The following KMT5A variants were observed in gnomAD, a reference collection of about 807,000 sequenced individuals.
KMT5A encodes N-lysine methyltransferase KMT5A.
Under a neutral mutation model 40.6 loss-of-function variants are expected in KMT5A, and 6 were observed. The ratio of observed to expected loss-of-function variants is 0.15; its 90% CI spans 0.08 to 0.29. KMT5A has a LOEUF of 0.29. KMT5A is among the 10% of genes least tolerant of loss of function. The pLI, the probability that KMT5A is intolerant of heterozygous loss-of-function variation, is 1.00. For synonymous variants in KMT5A, 153 were observed against 178.8 expected (o/e 0.86, Z 1.15); for missense variants, 308 against 459.1 (o/e 0.67, Z 3.01).
In KMT5A at chr12:123,389,530, C is replaced by T; in HGVS notation, c.108C>T (p.Gly36=). The part of the protein sequence containing the change: ...APGPEMVERR[G]PGRPRTDGEN... ...GCCCGGAGATGGTGGAGCGGAGGGG[C>T]CCGGGGAGGCCCCGCACCGACGGGG... The change falls in exon 2 of 8, where the codon GGC becomes GGT. Residue 36 remains glycine (G), a synonymous_variant. Coordinates refer to ENST00000402868, the MANE Select transcript of KMT5A (RefSeq NM_020382.7). 9.0e-7 allele frequency: 1 copy of T among 1,108,936 alleles called. No homozygotes were observed. Among genetic ancestry groups the T allele is most frequent in the Non-Finnish European group, 1.1e-6 (1 of 913,132 alleles). 68.7% of individuals were successfully genotyped at this position (1,108,936 alleles called of 1,614,324 possible).
Position 123,384,152 on chromosome 12 carries a change from G to T in KMT5A, c.-47G>T. ...TGGCTGAGTTGTTGCAACTTTTTTC[G>T]AAAGCTGGGTTTCCCGGGAGATCCC... is the stretch of plus-strand genomic sequence containing the variant. On this transcript the variant is annotated 5_prime_UTR_variant, in exon 1 of 8. Transcript: ENST00000402868. This position sits in a 1 kb window ranked among gnomAD's most constrained non-coding sequence, Gnocchi z 5.7. 2 of 1,611,978 alleles carry T rather than the reference G, an allele frequency of 1.2e-6. No homozygotes were observed. Among genetic ancestry groups the T allele is most frequent in the Non-Finnish European group, 8.5e-7 (1 of 1,178,998 alleles).
At chr12:123,401,569 G>A (rs1217568844) in intron 5 of KMT5A, among the ~76,000 whole-genome samples, 2 of 150,486 alleles carry the variant, frequency 1.3e-5, no homozygotes, top group Non-Finnish European at 3.0e-5. Context: ...AAGTTTATGG[G>A]AAGGTTTTTT....
Position 123,384,663 on chromosome 12 carries a change from G to A in KMT5A, c.10+455G>A, listed in dbSNP as rs569111047. On this transcript the variant is annotated intron_variant, in intron 1 of 7. Coordinates refer to ENST00000402868, the MANE Select transcript of KMT5A (RefSeq NM_020382.7). The surrounding 1 kb of genome is among the most constrained non-coding windows in gnomAD (Gnocchi z 5.7). ...CGATAACCTGCATATTGGGGTGCGC[G>A]TCAGGGTGGACACCGCAGCAGGCGC... Among the ~76,000 whole-genome samples, 2 of 152,374 alleles carry A rather than the reference G, an allele frequency of 1.3e-5. No homozygotes were observed. Among genetic ancestry groups the A allele is most frequent in the African/African-American group, 4.8e-5 (2 of 41,594 alleles).
intron 7 of KMT5A, among the ~76,000 whole-genome samples, chr12:123,405,819 C>T (rs1262173404): frequency 2.0e-5 from 3 of 150,572 alleles, no homozygotes; most frequent in African/African-American, 7.3e-5. Flanking sequence ...GCCCCAGCTT[C>T]CCTTTTTTTT....
chr12:123,401,496 G>A (rs1028100314), intron 5 of KMT5A, among the ~76,000 whole-genome samples: 1 of 151,480 alleles, frequency 6.6e-6, no homozygotes, highest in Non-Finnish European at 1.5e-5. Flanking sequence ...GAACATTTTA[G>A]TCCATTTATG....
chr12:123,398,725 C>T (rs900133104), intron 5 of KMT5A, among the ~76,000 whole-genome samples: 1 of 152,164 alleles, frequency 6.6e-6, no homozygotes, highest in Non-Finnish European at 1.5e-5. Context: ...GTGGCTAGAG[C>T]TGGTCAGGGT....
At position 123,384,304 on chromosome 12, in the gene KMT5A, C is replaced by A; in HGVS notation, c.10+96C>A. ...GGCAGCGGCTGCGGGGAGGCGTCCT[C>A]CTCGGGTGGCTCGGGGCAAGCTTGG... On this transcript the variant is annotated intron_variant, in intron 1 of 7. Coordinates refer to ENST00000402868, the MANE Select transcript of KMT5A (RefSeq NM_020382.7). The surrounding 1 kb of genome is among the most constrained non-coding windows in gnomAD (Gnocchi z 5.7). 2 of 1,535,716 alleles carry A rather than the reference C, an allele frequency of 1.3e-6. No individual in the cohort carries two copies. The highest frequency in any genetic ancestry group is 1.9e-5 in the Admixed American group (1 of 53,886).
At position 123,386,052 on chromosome 12, in the gene KMT5A, GATA is replaced by G. The variant is rs1876855192; in HGVS notation, c.10+1847_10+1849del. Reference sequence around the variant, plus strand: ...ACCTCCCTTACTTACCCAAAGCGAAGATAATGTTTGTCAGCTCCTCCCATGGCA... The same window carrying G: ...ACCTCCCTTACTTACCCAAAGCGAAGATGTTTGTCAGCTCCTCCCATGGCA... On this transcript the variant is annotated intron_variant, in intron 1 of 7. Coordinates refer to ENST00000402868, the MANE Select transcript of KMT5A (RefSeq NM_020382.7). 2.6e-5 allele frequency among the ~76,000 whole-genome samples: 4 copies of G among 152,122 alleles called. No homozygotes were observed. The South Asian group carries it at 8.3e-4, about 32-fold the overall frequency.
chr12:123,394,051 G>A (rs1356530912), intron 3 of KMT5A, among the ~76,000 whole-genome samples: 1 of 151,686 alleles, frequency 6.6e-6, no homozygotes, highest in Non-Finnish European at 1.5e-5. Flanking sequence ...TTTCTAAAGT[G>A]GCTGCACCAT....
rs377604959 is a variant in KMT5A, at chr12:123,396,328, C to G, written c.510-17C>G. 3 of 1,611,620 alleles carry G rather than the reference C, an allele frequency of 1.9e-6. No individual in the cohort carries two copies. The highest frequency in any genetic ancestry group is 2.5e-6 in the Non-Finnish European group (3 of 1,179,346). On this transcript the variant is annotated splice_polypyrimidine_tract_variant and intron_variant, in intron 4 of 7. Coordinates refer to ENST00000402868, the MANE Select transcript of KMT5A (RefSeq NM_020382.7). ...TCAGTCCTGATATTTATTTTCTCCTCTTCCCCTCTTACCCAGAGCTCAAGG... is the reference window on the plus strand; with the variant it reads ...TCAGTCCTGATATTTATTTTCTCCTGTTCCCCTCTTACCCAGAGCTCAAGG...
chr12:123,392,139 G>T (rs1877362563), intron 3 of KMT5A, among the ~76,000 whole-genome samples: 1 of 152,112 alleles, frequency 6.6e-6, no homozygotes, highest in South Asian at 2.1e-4. Flanking sequence ...CTTTGTGGTG[G>T]ACTCCATGTG....
rs564927038 is a variant in KMT5A, at chr12:123,404,155, A to G, written c.657+523A>G. ...AAAGGAGAAACTAATACATTTTTAA[A>G]CTGTTTTCCTAGATAATGACAATGC... On this transcript the variant is annotated intron_variant, in intron 6 of 7. Transcript: ENST00000402868. Among the ~76,000 whole-genome samples, 139 of 152,152 alleles carry G rather than the reference A, an allele frequency of 9.1e-4. 1 individual carries two copies. Among genetic ancestry groups the G allele is most frequent in the African/African-American group, 3.3e-3 (135 of 41,506 alleles).
At chr12:123,402,160 G>C (rs1458175077) in intron 5 of KMT5A, among the ~76,000 whole-genome samples, 1 of 152,238 alleles carries the variant, frequency 6.6e-6, no homozygotes, top group East Asian at 1.9e-4. Context: ...GGGATTACAG[G>C]AGAGAGCCAC....
intron 3 of KMT5A, among the ~76,000 whole-genome samples, chr12:123,393,349 C>T (rs1372580441): frequency 1.3e-5 from 2 of 152,016 alleles, no homozygotes; most frequent in Non-Finnish European, 1.5e-5. Flanking sequence ...ACCCATTAGG[C>T]GTCACCTTCG....
rs1878655777 is a variant in KMT5A, at chr12:123,407,656, G to A, written c.1012G>A (p.Asp338Asn). Reference sequence around the variant, plus strand: ...GGAGGAGCTCCTGTATGACTATGGGGACCGCAGCAAGGCTTCCATTGAAGC... The same window carrying A: ...GGAGGAGCTCCTGTATGACTATGGGAACCGCAGCAAGGCTTCCATTGAAGC... Reference protein sequence around the residue: ...AGEELLYDYGDRSKASIEAHP... With the variant: ...AGEELLYDYGNRSKASIEAHP... Residue 338 changes from aspartate to asparagine, a missense_variant, in exon 8 of 8, where the codon GAC becomes AAC. By Grantham distance (23) the Asp-to-Asn change is conservative. Transcript: ENST00000402868. The A allele has an allele frequency of 6.2e-7, 1 of 1,613,702 alleles. No individual in the cohort carries two copies. The highest frequency in any genetic ancestry group is 8.5e-7 in the Non-Finnish European group (1 of 1,179,838).
At chr12:123,390,405 C>A (rs1004243095) in intron 2 of KMT5A, among the ~76,000 whole-genome samples, 2 of 152,146 alleles carry the variant, frequency 1.3e-5, no homozygotes, top group Non-Finnish European at 2.9e-5. Context: ...GGCCAGCTGT[C>A]CCCTTAGTGA....
Position 123,389,487 on chromosome 12 carries a change from T to C in KMT5A, c.65T>C (p.Val22Ala), listed in dbSNP as rs186822980. The change falls in exon 2 of 8, where the codon GTG becomes GCG. Residue 22 changes from valine to alanine, a missense_variant. This residue lies in a region of KMT5A where 92 missense variants were observed against 78.3 expected (regional missense o/e 1.18). Coordinates refer to ENST00000402868, the MANE Select transcript of KMT5A (RefSeq NM_020382.7). ...AVEAAAAAAAVAATAPGPEMV... is the reference protein window; with the variant it reads ...AVEAAAAAAAAAATAPGPEMV... Reference sequence around the variant, plus strand: ...GAGGCGGCGGCGGCGGCGGCGGCGGTGGCAGCGACGGCCCCGGGCCCGGAG... The same window carrying C: ...GAGGCGGCGGCGGCGGCGGCGGCGGCGGCAGCGACGGCCCCGGGCCCGGAG... 122 of 1,118,892 alleles carry C rather than the reference T, an allele frequency of 1.1e-4. No homozygotes were observed. Among genetic ancestry groups the C allele is most frequent in the Non-Finnish European group, 1.3e-4 (121 of 921,736 alleles). The allele number at this position is 1,118,892 out of a possible 1,614,324, so 69.3% of individuals were successfully genotyped here. A position where few individuals can be genotyped will look rare whatever the true frequency, so the allele number is the denominator to read the frequency against.
intron 5 of KMT5A, among the ~76,000 whole-genome samples, chr12:123,399,559 C>T (rs750932667): frequency 5.3e-5 from 8 of 152,260 alleles, no homozygotes; most frequent in Non-Finnish European, 8.8e-5. Context: ...TCTCTGCACA[C>T]TTGCAATGAA....
chr12:123,398,293 AAGAC>A (rs1245116938), intron 5 of KMT5A, among the ~76,000 whole-genome samples: 1 of 151,782 alleles, frequency 6.6e-6, no homozygotes, highest in Admixed American at 6.6e-5. Flanking sequence ...AAAAAAAAAA[AAGAC>A]AGCACTGCAG....
Sources: allele counts gnomAD v4.1 joint callset (sites outside exome capture counted in the v4.1 genomes callset), GRCh38; gene constraint gnomAD v4.1.1; regional missense constraint gnomAD v4.1.1; non-coding constraint Gnocchi (gnomAD v3.1); transcripts MANE v1.5; gene names NCBI Gene and HGNC (gene_info 2026-07-23, HGNC 2026-07-21).